The following WWOX variants were observed in gnomAD, a reference collection of about 807,000 sequenced individuals.
WWOX encodes WW domain-containing oxidoreductase.
In WWOX, 69 loss-of-function variants were observed where a neutral mutation model predicts 46.2. That is an observed-to-expected ratio of 1.49 (90% confidence interval 1.23 to 1.82). WWOX has a LOEUF of 1.82. WWOX is among the 40% of genes most tolerant of loss of function. The pLI is 0.00. For missense variants in WWOX, 919 were observed against 542.6 expected (o/e 1.69, Z -6.89); for synonymous variants, 359 against 202.6 (o/e 1.77, Z -6.56).
intron 7 of WWOX, among the ~76,000 whole-genome samples, chr16:78,428,524 T>C (rs574894315): frequency 2.6e-5 from 4 of 152,228 alleles, no homozygotes; most frequent in Non-Finnish European, 4.4e-5. Context: ...CTGGTACTTC[T>C]CCATCTTGAA....
chr16:78,807,286 C>G (rs761339107), intron 8 of WWOX, among the ~76,000 whole-genome samples: 3 of 152,260 alleles, frequency 2.0e-5, no homozygotes, highest in Non-Finnish European at 2.9e-5. Context: ...AACAACATCT[C>G]ATACCACAAT....
At chr16:78,186,673 G>A (rs1333158941) in intron 5 of WWOX, among the ~76,000 whole-genome samples, 1 of 152,204 alleles carries the variant, frequency 6.6e-6, no homozygotes, top group East Asian at 1.9e-4. Context: ...GCTGAGGCAG[G>A]AGAATTGCTT....
chr16:79,130,733 A>G (rs1267130578), intron 8 of WWOX, among the ~76,000 whole-genome samples: 1 of 152,172 alleles, frequency 6.6e-6, no homozygotes, highest in African/African-American at 2.4e-5. Context: ...TCCAGATTTG[A>G]CTTGTAATCG....
intron 8 of WWOX, among the ~76,000 whole-genome samples, chr16:78,747,711 C>G (rs997623577): frequency 2.6e-5 from 4 of 152,156 alleles, no homozygotes; most frequent in African/African-American, 9.7e-5. Flanking sequence ...TTACTGTCTG[C>G]CTCTTCTTCC....
chr16:78,987,028 G>T (rs190593098), intron 8 of WWOX, among the ~76,000 whole-genome samples: 1 of 152,088 alleles, frequency 6.6e-6, no homozygotes, highest in Non-Finnish European at 1.5e-5. Flanking sequence ...GCTGGCTGGG[G>T]AAATGATCCT....
At chr16:78,364,204 T>C (rs2081479873) in intron 5 of WWOX, among the ~76,000 whole-genome samples, 2 of 152,192 alleles carry the variant, frequency 1.3e-5, no homozygotes, top group African/African-American at 4.8e-5. Context: ...GATATACTGA[T>C]TACATTTTAG....
chr16:78,824,850 G>A (rs1031599476), intron 8 of WWOX, among the ~76,000 whole-genome samples: 1 of 152,138 alleles, frequency 6.6e-6, no homozygotes, highest in Admixed American at 6.5e-5. Flanking sequence ...AGCATATCAG[G>A]GTCCTAGGCA....
chr16:79,160,706 T>A (rs771697183), intron 8 of WWOX, among the ~76,000 whole-genome samples: 21 of 152,294 alleles, frequency 1.4e-4, no homozygotes, highest in Middle Eastern at 6.8e-3. Flanking sequence ...CTTAGCTGAA[T>A]TCCATCGATT....
At chr16:78,923,381 T>C (rs1313993549) in intron 8 of WWOX, among the ~76,000 whole-genome samples, 3 of 152,184 alleles carry the variant, frequency 2.0e-5, no homozygotes, top group Non-Finnish European at 4.4e-5. Flanking sequence ...CAGATCATTC[T>C]AAAAATAGAG....
chr16:79,015,226 G>A (rs1016892438), intron 8 of WWOX, among the ~76,000 whole-genome samples: 1 of 152,148 alleles, frequency 6.6e-6, no homozygotes, highest in Non-Finnish European at 1.5e-5. Flanking sequence ...AACACAGAAG[G>A]TGCCTGATTT....
At chr16:79,037,996 C>T (rs192520216) in intron 8 of WWOX, among the ~76,000 whole-genome samples, 1 of 152,134 alleles carries the variant, frequency 6.6e-6, no homozygotes, top group Non-Finnish European at 1.5e-5. Flanking sequence ...CTCGTTAACA[C>T]ATGATGGCAA....
At chr16:78,325,069 G>A (rs1027283963) in intron 5 of WWOX, among the ~76,000 whole-genome samples, 11 of 152,194 alleles carry the variant, frequency 7.2e-5, no homozygotes, top group Admixed American at 6.5e-5. Flanking sequence ...CCTGGCTTGT[G>A]TGAGAGCCTC....
intron 5 of WWOX, among the ~76,000 whole-genome samples, chr16:78,386,373 G>A (rs1313890628): frequency 1.3e-5 from 2 of 152,100 alleles, no homozygotes; most frequent in South Asian, 4.2e-4. Flanking sequence ...TGGTATAAAC[G>A]AGTCTTTCTG....
At chr16:78,626,569 A>T (rs1288968988) in intron 8 of WWOX, among the ~76,000 whole-genome samples, 1 of 152,152 alleles carries the variant, frequency 6.6e-6, no homozygotes, top group Non-Finnish European at 1.5e-5. Context: ...TTCACTGTTG[A>T]TGGTGACTCT....
chr16:78,965,982 G>T (rs1381745529), intron 8 of WWOX, among the ~76,000 whole-genome samples: 1 of 152,144 alleles, frequency 6.6e-6, no homozygotes, highest in African/African-American at 2.4e-5. Context: ...GCTGTGATTT[G>T]GTTCTGCACC....
At chr16:78,438,786 G>A (rs1341644328) in intron 8 of WWOX, among the ~76,000 whole-genome samples, 1 of 152,150 alleles carries the variant, frequency 6.6e-6, no homozygotes, top group Non-Finnish European at 1.5e-5. Flanking sequence ...TCATCGTGCT[G>A]AGTTTTAACG....
chr16:78,125,381 C>G (rs1318339464), intron 4 of WWOX, among the ~76,000 whole-genome samples: 1 of 152,144 alleles, frequency 6.6e-6, no homozygotes, highest in Non-Finnish European at 1.5e-5. Context: ...GGAGGAATAA[C>G]AGCACACTCC....
intron 5 of WWOX, among the ~76,000 whole-genome samples, chr16:78,300,317 G>A (rs987424127): frequency 3.3e-5 from 5 of 152,142 alleles, no homozygotes; most frequent in Admixed American, 6.5e-5. Context: ...CGTATCTGAA[G>A]AACCCAGAAG....
chr16:78,826,046 G>T, intron 8 of WWOX: 1 of 450,356 alleles, frequency 2.2e-6, no homozygotes, highest in South Asian at 5.5e-5. Flanking sequence ...TCTGGATGTT[G>T]CTTTGTAAAG....
Sources: gnomAD v4.1 joint callset for allele counts (sites outside exome capture counted in the v4.1 genomes callset) on GRCh38, gnomAD v4.1.1 for gene constraint, MANE v1.5 for transcripts, NCBI Gene and HGNC (gene_info 2026-07-23, HGNC 2026-07-21) for gene names.